Variants in ATN1 observed in about 807,000 individuals in gnomAD.
ATN1 encodes the protein atrophin-1.
In ATN1, 19 loss-of-function variants were observed where a neutral mutation model predicts 85.8. That is an observed-to-expected ratio of 0.22 (90% CI 0.15 to 0.32). ATN1 has a LOEUF of 0.32. Among genes scored for constraint, ATN1 ranks in the 10% least tolerant of loss-of-function variants. ATN1 has a pLI of 1.00. For synonymous variants in ATN1, 674 were observed against 657.0 expected (o/e 1.03, Z -0.39); for missense variants, 1,453 against 1,564.5 (o/e 0.93, Z 1.20).
chr12:6,941,640 C>A lies in ATN1; in HGVS notation c.3539+86C>A. Reference sequence around the variant, plus strand: ...GCATGGTACGGCTGGGCACCGTGCTCCTGGGGGAGGGAACCCCTCCTCTCC... The same window carrying A: ...GCATGGTACGGCTGGGCACCGTGCTACTGGGGGAGGGAACCCCTCCTCTCC... On this transcript the variant is annotated intron_variant, in intron 9 of 9. Coordinates refer to ENST00000396684, the MANE Select transcript of ATN1 (RefSeq NM_001940.4). The surrounding 1 kb of genome is among the most constrained non-coding windows in gnomAD (Gnocchi z 5.9). The A allele has an allele frequency of 3.8e-6, 6 of 1,596,950 alleles. No homozygotes were observed. The South Asian group carries it at 6.6e-5, about 18-fold the overall frequency.
In ATN1 at chr12:6,936,997, C is replaced by T; in HGVS notation, c.1730C>T (p.Ser577Phe). Reference protein sequence around the residue: ...PVSSSSNSSSSTSQGSYPCSH... With the variant: ...PVSSSSNSSSFTSQGSYPCSH... ...TCTTCCTCTTCCAACTCTTCCTCTT[C>T]CACTTCTCAAGGGTCCTACCCATGT... is the stretch of plus-strand genomic sequence containing the variant. The change falls in exon 5 of 10, where the codon TCC becomes TTC. Residue 577 changes from serine (S) to phenylalanine (F), a missense_variant. Physicochemically the swap from Ser to Phe is radical, Grantham distance 155. This residue lies in a region of ATN1 where 990 missense variants were observed against 914.8 expected (regional missense o/e 1.08). Transcript: ENST00000396684. The T allele has an allele frequency of 2.5e-6, 4 of 1,613,706 alleles. No individual in the cohort carries two copies. The highest frequency in any genetic ancestry group is 3.4e-6 in the Non-Finnish European group (4 of 1,179,730).
Position 6,941,587 on chromosome 12 carries a change from G to T in ATN1, c.3539+33G>T, listed in dbSNP as rs373260678. 1.2e-6 allele frequency: 2 copies of T among 1,611,050 alleles called. No individual in the cohort carries two copies. The highest frequency in any genetic ancestry group is 2.7e-5 in the African/African-American group (2 of 74,852). ...AGGGTGCCCCAGCCCAGGGGACATG[G>T]GCTCAGCGAGCCTGGGAGGAGCTGT... On this transcript the variant is annotated intron_variant, in intron 9 of 9. Coordinates refer to ENST00000396684, the MANE Select transcript of ATN1 (RefSeq NM_001940.4). This position sits in a 1 kb window ranked among gnomAD's most constrained non-coding sequence, Gnocchi z 5.9.
chr12:6,926,023 C>T (rs782062841), upstream of ATN1, among the ~76,000 whole-genome samples: 8 of 152,260 alleles, frequency 5.3e-5, no homozygotes, highest in African/African-American at 9.6e-5. Context: ...GAGATGTTGC[C>T]GCTTGGTGGA....
rs141514883 is a variant in ATN1 at position 6,936,716 on chromosome 12, C to G, written c.1449C>G (p.His483Gln). 5.7e-6 allele frequency: 9 copies of G among 1,580,594 alleles called. No homozygotes were observed. The African/African-American group carries it at 7.2e-5, about 13-fold the overall frequency. Residue 483 changes from histidine (H) to glutamine (Q), a missense_variant, in exon 5 of 10, where the codon CAC becomes CAG. This residue lies in a region of ATN1 where 990 missense variants were observed against 914.8 expected (regional missense o/e 1.08). Transcript: ENST00000396684. ...HPPVSTHHHH[H>Q]QQQQQQQQQQ... ...CAGTCTCAACACATCACCATCACCA[C>G]CAGCAACAGCAACAGCAGCAGCAGC...
At chr12:6,940,244 C>T (rs1056285312) in intron 7 of ATN1, among the ~76,000 whole-genome samples, 23 of 151,850 alleles carry the variant, frequency 1.5e-4, no homozygotes, top group Admixed American at 6.6e-4. Context: ...CCCGCCTTGG[C>T]CTCCCAAAGT....
chr12:6,934,456 C>G lies in ATN1; in HGVS notation c.166-9C>G. ...GAAAAGACAGGAATTTTCTCTTTCTCTCTAACAGAAGGCCCGAGTAGAGGA... is the reference window on the plus strand; with the variant it reads ...GAAAAGACAGGAATTTTCTCTTTCTGTCTAACAGAAGGCCCGAGTAGAGGA... On this transcript the variant is annotated splice_polypyrimidine_tract_variant and intron_variant, in intron 3 of 9. Coordinates refer to ENST00000396684, the MANE Select transcript of ATN1 (RefSeq NM_001940.4). The surrounding 1 kb of genome is among the most constrained non-coding windows in gnomAD (Gnocchi z 4.5). 6.3e-7 allele frequency: 1 copy of G among 1,594,400 alleles called. No homozygotes were observed. The highest frequency in any genetic ancestry group is 1.7e-4 in the Middle Eastern group (1 of 6,034).
rs2138218624 is a variant in ATN1, at chr12:6,938,487, G to A, written c.2524G>A (p.Ala842Thr). Residue 842 changes from alanine (A) to threonine (T), a missense_variant, in exon 7 of 10, where the codon GCT becomes ACT. Physicochemically the swap from Ala to Thr is moderately conservative, Grantham distance 58. Transcript: ENST00000396684. ...ERELERSVKL[A>T]QEGRAPVECP... ...TTTTCCCTGTATCCCACAGAAGTTG[G>A]CTCAGGAGGGCCGTGCTCCGGTGGA... 2 of 1,603,486 alleles carry A rather than the reference G, an allele frequency of 1.2e-6. No individual in the cohort carries two copies. Among genetic ancestry groups the A allele is most frequent in the East Asian group, 2.2e-5 (1 of 44,560 alleles).
At chr12:6,926,602 A>G (rs1945401342), upstream of ATN1, among the ~76,000 whole-genome samples, 1 of 151,822 alleles carries the variant, frequency 6.6e-6, no homozygotes, top group South Asian at 2.1e-4. Flanking sequence ...GCCTCTGAGT[A>G]GCTGGGATTA....
At chr12:6,927,892 C>T (rs1425686590), upstream of ATN1, among the ~76,000 whole-genome samples, 1 of 151,420 alleles carries the variant, frequency 6.6e-6, no homozygotes, top group Admixed American at 6.6e-5. Context: ...TCGGAGGGAC[C>T]GCGGCTTCGG....
At position 6,934,524 on chromosome 12, in the gene ATN1, G is replaced by A. The variant is rs782790422; in HGVS notation, c.225G>A (p.Glu75=). 2 of 1,583,418 alleles carry A rather than the reference G, an allele frequency of 1.3e-6. No individual in the cohort carries two copies. ...PKVNKQGRSE[E]ISESESEETN... ...TCAACAAGCAGGGTCGGAGTGAGGA[G>A]ATCTCAGAGAGTGAAAGTGAGGAGA... is the stretch of plus-strand genomic sequence containing the variant. Residue 75 remains glutamate (E), a synonymous_variant, in exon 4 of 10, where the codon GAG becomes GAA. Transcript: ENST00000396684. The surrounding 1 kb of genome is among the most constrained non-coding windows in gnomAD (Gnocchi z 4.5).
chr12:6,938,389 G>C, intron 6 of ATN1, 92 bp from the exon 7 acceptor site: 1 of 1,451,748 alleles, frequency 6.9e-7, no homozygotes, highest in East Asian at 2.5e-5. Context: ...AGGCATTTTG[G>C]CATTCGGCTG....
intron 1 of ATN1, among the ~76,000 whole-genome samples, chr12:6,931,089 A>T (rs1194117561): frequency 2.0e-5 from 3 of 152,084 alleles, no homozygotes; most frequent in Non-Finnish European, 4.4e-5. Flanking sequence ...ATTTCAGGTG[A>T]TTAAAAAAGA....
chr12:6,936,345 C>G lies in ATN1; in HGVS notation c.1078C>G (p.Pro360Ala), dbSNP rs1555143643. 6.2e-7 allele frequency: 1 copy of G among 1,613,998 alleles called. No individual in the cohort carries two copies. Among genetic ancestry groups the G allele is most frequent in the South Asian group, 1.1e-5 (1 of 91,080 alleles). ...TCTGGCTCCTTCACCCCACTCTCTG[C>G]CTCCTGCTTCCTCTTCTGCTCCAGC... ...PTLAPSPHSLPPASSSAPAPP... is the reference protein window; with the variant it reads ...PTLAPSPHSLAPASSSAPAPP... The change falls in exon 5 of 10, where the codon CCT (proline) becomes GCT (alanine). Residue 360 changes from proline to alanine, a missense_variant. Physicochemically the swap from Pro to Ala is conservative, Grantham distance 27. Transcript: ENST00000396684.
Position 6,934,436 on chromosome 12 carries a change from G to T in ATN1, c.166-29G>T, listed in dbSNP as rs782111775. 1.9e-6 allele frequency: 3 copies of T among 1,600,554 alleles called. No homozygotes were observed. Among genetic ancestry groups the T allele is most frequent in the Non-Finnish European group, 2.6e-6 (3 of 1,172,878 alleles). On this transcript the variant is annotated intron_variant, in intron 3 of 9. Transcript: ENST00000396684. The surrounding 1 kb of genome is among the most constrained non-coding windows in gnomAD (Gnocchi z 4.5). ...GGTGGAGCTCGGGAGGTAGGGAAAA[G>T]ACAGGAATTTTCTCTTTCTCTCTAA... is the stretch of plus-strand genomic sequence containing the variant.
rs372352874 is a variant in ATN1, at chr12:6,936,358, C to A, written c.1091C>A (p.Ser364Tyr). The change falls in exon 5 of 10, where the codon TCT becomes TAT. Residue 364 changes from serine (S) to tyrosine (Y), a missense_variant. Ser to Tyr is a moderately radical substitution (Grantham distance 144, BLOSUM62 -2). Transcript: ENST00000396684. Reference protein sequence around the residue: ...PSPHSLPPASSSAPAPPMRFP... With the variant: ...PSPHSLPPASYSAPAPPMRFP... ...CCCCACTCTCTGCCTCCTGCTTCCTCTTCTGCTCCAGCGCCCCCCATGAGG... is the reference window on the plus strand; with the variant it reads ...CCCCACTCTCTGCCTCCTGCTTCCTATTCTGCTCCAGCGCCCCCCATGAGG... 18 of 1,613,958 alleles carry A rather than the reference C, an allele frequency of 1.1e-5. No homozygotes were observed. Among genetic ancestry groups the A allele is most frequent in the Non-Finnish European group, 1.5e-5 (18 of 1,179,950 alleles).
Position 6,928,147 on chromosome 12 carries a change from G to A in ATN1, c.-400G>A, listed in dbSNP as rs1945419039. ...GAGGCGGCGAGCCCGGGGAGGTGGG[G>A]AGCAGAGCGGGGATCGGGGTTTGCT... On this transcript the variant is annotated 5_prime_UTR_variant, in exon 1 of 10. Transcript: ENST00000396684. Among the ~76,000 whole-genome samples the A allele has an allele frequency of 6.9e-6, 1 of 144,396 alleles. No individual in the cohort carries two copies. The highest frequency in any genetic ancestry group is 1.5e-5 in the Non-Finnish European group (1 of 64,980). The allele number at this position is 144,396 out of a possible 152,430, so 94.7% of individuals were successfully genotyped here. A position where few individuals can be genotyped will look rare whatever the true frequency, so the allele number is the denominator to read the frequency against.
chr12:6,941,904 C>G lies in ATN1; in HGVS notation c.*124C>G, dbSNP rs1295115165. ...GGGTGCTGCTCAGTTGCAGGGCCTC[C>G]GCAGCTGGACAGAGAGTGGGGGAGG... On this transcript the variant is annotated 3_prime_UTR_variant, in exon 10 of 10. Coordinates refer to ENST00000396684, the MANE Select transcript of ATN1 (RefSeq NM_001940.4). The surrounding 1 kb of genome is among the most constrained non-coding windows in gnomAD (Gnocchi z 5.9). 10 of 944,244 alleles carry G rather than the reference C, an allele frequency of 1.1e-5. No homozygotes were observed. The highest frequency in any genetic ancestry group is 1.7e-5 in the Non-Finnish European group (10 of 589,872). 58.5% of individuals were successfully genotyped at this position (944,244 alleles called of 1,614,324 possible).
At position 6,935,807 on chromosome 12, in the gene ATN1, G is replaced by T. The variant is rs782018161; in HGVS notation, c.540G>T (p.Glu180Asp). 9.9e-6 allele frequency: 16 copies of T among 1,613,730 alleles called. No individual in the cohort carries two copies. In the South Asian group the frequency reaches 1.8e-4, roughly 18 times the overall value. ...CAGACAGCACCCCTCGACAGCCAGA[G>T]GCTAGCTTTGAACCCCATCCTTCTG... ...QPPDSTPRQP[E>D]ASFEPHPSVT... is the part of the protein sequence containing the mutation. Residue 180 changes from glutamate to aspartate, a missense_variant, in exon 5 of 10, where the codon GAG (glutamate) becomes GAT (aspartate). By Grantham distance (45) the Glu-to-Asp change is conservative. Coordinates refer to ENST00000396684, the MANE Select transcript of ATN1 (RefSeq NM_001940.4). This position sits in a 1 kb window ranked among gnomAD's most constrained non-coding sequence, Gnocchi z 5.3.
At chr12:6,929,100 T>A (rs1945432118) in intron 1 of ATN1, among the ~76,000 whole-genome samples, 1 of 152,156 alleles carries the variant, frequency 6.6e-6, no homozygotes, top group African/African-American at 2.4e-5. Flanking sequence ...TAGTTATTTC[T>A]TGGAGAGGGC....
Sources: gnomAD v4.1 joint callset for allele counts (sites outside exome capture counted in the v4.1 genomes callset) on GRCh38, gnomAD v4.1.1 for gene constraint, gnomAD v4.1.1 regional missense constraint, Gnocchi (gnomAD v3.1) non-coding constraint, MANE v1.5 for transcripts, NCBI Gene and HGNC (gene_info 2026-07-23, HGNC 2026-07-21) for gene names.